LAMB4: variants seen among roughly 807,000 people sequenced by gnomAD.
LAMB4 encodes laminin subunit beta-4.
LAMB4 carries 196 observed loss-of-function variants against 199.2 expected under a neutral mutation model. The observed-to-expected ratio is 0.98, with a 90% CI of 0.88 to 1.11. The LOEUF is 1.11. Ranked by LOEUF, LAMB4 falls within the 50% of genes least tolerant of loss-of-function variation. The pLI is 0.00. For missense variants in LAMB4, 2,080 were observed against 2,171.2 expected (o/e 0.96, Z 0.83); for synonymous variants, 744 against 770.6 (o/e 0.97, Z 0.57).
Position 108,116,292 on chromosome 7 carries a change from T to C in LAMB4, c.35-131A>G. The C allele has an allele frequency of 3.5e-6, 3 of 863,914 alleles. No individual in the cohort carries two copies. The South Asian group carries it at 7.3e-5, about 21-fold the overall frequency. 53.5% of individuals were successfully genotyped at this position (863,914 alleles called of 1,614,324 possible). A position where few individuals can be genotyped will look rare whatever the true frequency, so the allele number is the denominator to read the frequency against. On this transcript the variant is annotated intron_variant, in intron 2 of 33. Transcript: ENST00000388781. ...GCCAAAGATGTATCAGACTTTTAAGTTTATTAATAGATGACAAATGGTCCC... is the reference window on the plus strand; with the variant it reads ...GCCAAAGATGTATCAGACTTTTAAGCTTATTAATAGATGACAAATGGTCCC...
At chr7:108,076,749 T>C (rs1174137883) in intron 17 of LAMB4, among the ~76,000 whole-genome samples, 195 bp downstream of exon 17, 19 of 152,202 alleles carry the variant, frequency 1.2e-4, no homozygotes, top group Admixed American at 1.2e-3. Context: ...TTTCTGTGAT[T>C]AAATAATATG....
At chr7:108,082,755 C>T (rs1384266373) in intron 14 of LAMB4, among the ~76,000 whole-genome samples, 1 of 152,106 alleles carries the variant, frequency 6.6e-6, no homozygotes, top group African/African-American at 2.4e-5. Context: ...AGCCCCCTGC[C>T]CCACACCCAA....
chr7:108,078,094 T>A (rs2036774083), intron 16 of LAMB4, 107 bp downstream of exon 16: 1 of 719,256 alleles, frequency 1.4e-6, no homozygotes, highest in South Asian at 1.6e-5. Flanking sequence ...ATGTTATAGT[T>A]TTCTTCAGAC....
At chr7:108,086,774 A>G (rs2150597238) in intron 14 of LAMB4, among the ~76,000 whole-genome samples, 1 of 152,332 alleles carries the variant, frequency 6.6e-6, no homozygotes, top group South Asian at 2.1e-4. Flanking sequence ...GAGTGCTGTC[A>G]TGAACCACCC....
chr7:108,032,801 C>T (rs986668934), intron 31 of LAMB4, among the ~76,000 whole-genome samples: 2 of 151,956 alleles, frequency 1.3e-5, no homozygotes, highest in Admixed American at 1.3e-4. Flanking sequence ...ATCTTGTTGC[C>T]TCCTGTGTGG....
In LAMB4 at chr7:108,077,029, G is replaced by A. The variant is rs1284520492; in HGVS notation, c.2039C>T (p.Pro680Leu). The A allele has an allele frequency of 6.2e-7, 1 of 1,613,856 alleles. No homozygotes were observed. The highest frequency in any genetic ancestry group is 1.1e-5 in the South Asian group (1 of 91,072). ...GACATCTATGGAATATTGTACATCT[G>A]GTTCTAAACAGATGGGTGTGGGAAG... ...MLLPTPICLE[P>L]DVQYSIDVYF... Residue 680 changes from proline to leucine, a missense_variant, in exon 17 of 34, where the codon CCA becomes CTA. Physicochemically the swap from Pro to Leu is moderately conservative, Grantham distance 98. Coordinates refer to ENST00000388781, the MANE Select transcript of LAMB4 (RefSeq NM_007356.3).
At position 108,091,744 on chromosome 7, in the gene LAMB4, C is replaced by A. The variant is rs201533083; in HGVS notation, c.1583G>T (p.Arg528Leu). 9 of 1,613,940 alleles carry A rather than the reference C, an allele frequency of 5.6e-6. No homozygotes were observed. The highest frequency in any genetic ancestry group is 1.6e-4 in the Middle Eastern group (1 of 6,084). ...CSPKNGQCEC[R>L]PHVTGRSCSE... ...GCAGCTACGGCCAGTGACATGTGGG[C>A]GGCATTCACACTGCCCATTCTTGGG... is the stretch of plus-strand genomic sequence containing the variant. The change falls in exon 14 of 34, where the codon CGC becomes CTC. Residue 528 changes from arginine (R) to leucine (L), a missense_variant. Physicochemically the swap from Arg to Leu is moderately radical, Grantham distance 102. Transcript: ENST00000388781.
intron 31 of LAMB4, among the ~76,000 whole-genome samples, chr7:108,031,899 G>A (rs943047227): frequency 6.6e-6 from 1 of 152,084 alleles, no homozygotes. Context: ...ATATCTAGAA[G>A]TCCTATTTAA....
At chr7:108,084,607 C>A (rs1481428987) in intron 14 of LAMB4, among the ~76,000 whole-genome samples, 1 of 151,974 alleles carries the variant, frequency 6.6e-6, no homozygotes, top group Non-Finnish European at 1.5e-5. Flanking sequence ...TCTGGTGGAC[C>A]TACTATGCCT....
At chr7:108,104,002 A>G (rs1584759285) in intron 9 of LAMB4, among the ~76,000 whole-genome samples, 2 of 152,360 alleles carry the variant, frequency 1.3e-5, no homozygotes, top group East Asian at 3.9e-4. Context: ...CAAACATGTT[A>G]GCCAAAACAA....
At chr7:108,062,209 C>T (rs538238427) in intron 23 of LAMB4, among the ~76,000 whole-genome samples, 14 of 152,272 alleles carry the variant, frequency 9.2e-5, no homozygotes, top group African/African-American at 2.4e-4. Flanking sequence ...AAAAATCACA[C>T]GTGCATCTAT....
chr7:108,037,945 G>A (rs1331573287), intron 29 of LAMB4, among the ~76,000 whole-genome samples: 5 of 152,194 alleles, frequency 3.3e-5, no homozygotes, highest in African/African-American at 1.2e-4. Flanking sequence ...TACCTGTCAT[G>A]AAGATTTAAG....
At chr7:108,101,569 T>C (rs1479036671) in intron 10 of LAMB4, among the ~76,000 whole-genome samples, 2 of 152,178 alleles carry the variant, frequency 1.3e-5, no homozygotes, top group Admixed American at 1.3e-4. Context: ...CATGAAACAA[T>C]AACAGGCTAA....
intron 33 of LAMB4, among the ~76,000 whole-genome samples, chr7:108,024,520 C>T (rs2034766179): frequency 6.6e-6 from 1 of 152,138 alleles, no homozygotes; most frequent in Non-Finnish European, 1.5e-5. Context: ...ATTATTTTAG[C>T]TTCATTTTAA....
At chr7:108,075,634 G>A (rs1275861566) in intron 17 of LAMB4, 1 of 152,162 alleles carries the variant, frequency 6.6e-6, no homozygotes, top group Non-Finnish European at 1.5e-5. Flanking sequence ...GGATGAAACT[G>A]GTACCTTCAT....
At position 108,030,928 on chromosome 7, in the gene LAMB4, G is replaced by A. The variant is rs755641480; in HGVS notation, c.4870C>T (p.Arg1624Ter). Residue 1624 changes from arginine to a stop codon, truncating the protein, a stop_gained, in exon 32 of 34, where the codon CGA (arginine) becomes TGA (stop). Coordinates refer to ENST00000388781, the MANE Select transcript of LAMB4 (RefSeq NM_007356.3). LOFTEE classifies it high-confidence loss of function. ...MKSELELAKQ[R>*]SGLEDGLSLL... ...GAAAGTCCATCCTCCAGCCCTGATCGCTGCTTTGCTAACTCCAGCTCACTC... is the reference window on the plus strand; with the variant it reads ...GAAAGTCCATCCTCCAGCCCTGATCACTGCTTTGCTAACTCCAGCTCACTC... 25 of 1,613,842 alleles carry A rather than the reference G, an allele frequency of 1.5e-5. No homozygotes were observed. The highest frequency in any genetic ancestry group is 2.0e-5 in the Non-Finnish European group (24 of 1,179,850).
intron 23 of LAMB4, among the ~76,000 whole-genome samples, chr7:108,061,316 G>A (rs1337948158): frequency 1.3e-5 from 2 of 152,186 alleles, no homozygotes; most frequent in East Asian, 3.8e-4. Context: ...TTCATGCATA[G>A]TGACAAATGT....
At chr7:108,095,488 T>C (rs964443344) in intron 11 of LAMB4, 151 bp from the exon 12 acceptor site, 16 of 630,214 alleles carry the variant, frequency 2.5e-5, no homozygotes, top group African/African-American at 3.7e-5. Flanking sequence ...TGCGTGATTA[T>C]TGTTTTGCAT....
At chr7:108,065,625 A>G (rs2036308657) in intron 21 of LAMB4, 137 bp downstream of exon 21, 2 of 583,780 alleles carry the variant, frequency 3.4e-6, no homozygotes, top group Admixed American at 3.5e-5. Flanking sequence ...TAAAGCAGCT[A>G]TTTATCACAT....
Sources: allele counts gnomAD v4.1 joint callset (sites outside exome capture counted in the v4.1 genomes callset), GRCh38; gene constraint gnomAD v4.1.1; transcripts MANE v1.5; gene names NCBI Gene and HGNC (gene_info 2026-07-23, HGNC 2026-07-21).